GNAI1: variants seen among roughly 807,000 people sequenced by gnomAD.
GNAI1 encodes G protein subunit alpha i1.
In GNAI1, 11 loss-of-function variants were observed where a neutral mutation model predicts 38.9. That is an observed-to-expected ratio of 0.28 (90% CI 0.18 to 0.47). The LOEUF (loss-of-function observed/expected upper bound fraction) is 0.47. Ranked by LOEUF, GNAI1 falls within the 20% of genes least tolerant of loss-of-function variation. The pLI is 0.99. For missense variants in GNAI1, 317 were observed against 436.9 expected (o/e 0.73, Z 2.45); for synonymous variants, 166 against 145.1 (o/e 1.14, Z -1.04).
At chr7:80,175,832 A>G (rs925250139) in intron 1 of GNAI1, among the ~76,000 whole-genome samples, 1 of 151,776 alleles carries the variant, frequency 6.6e-6, no homozygotes, top group African/African-American at 2.4e-5. Context: ...TCATATCTCT[A>G]CCTCTCCTCA....
At position 80,177,314 on chromosome 7, in the gene GNAI1, G is replaced by A. The variant is rs1328088562; in HGVS notation, c.119-11637G>A. Reference sequence around the variant, plus strand: ...CAAAGTGCTGGGATTACAGGCATGAGCCACCGCGCCCGGCCAGCGTATCTT... The same window carrying A: ...CAAAGTGCTGGGATTACAGGCATGAACCACCGCGCCCGGCCAGCGTATCTT... On this transcript the variant is annotated intron_variant, in intron 1 of 7. Coordinates refer to ENST00000649796, the MANE Select transcript of GNAI1 (RefSeq NM_002069.6). 4.6e-5 allele frequency among the ~76,000 whole-genome samples: 7 copies of A among 152,212 alleles called. No individual in the cohort carries two copies. The East Asian group carries it at 1.4e-3, about 30-fold the overall frequency.
Position 80,163,651 on chromosome 7 carries a change from C to A in GNAI1, c.119-25300C>A, listed in dbSNP as rs893210404. ...GAGATATTTAGAGACAGTAGTTTTC[C>A]TTTTGTCTTTTTGCCTACCTCATAG... On this transcript the variant is annotated intron_variant, in intron 1 of 7. Transcript: ENST00000649796. 3.9e-5 allele frequency among the ~76,000 whole-genome samples: 6 copies of A among 152,088 alleles called. No homozygotes were observed. In the East Asian group the frequency reaches 1.2e-3, roughly 29 times the overall value.
intron 1 of GNAI1, among the ~76,000 whole-genome samples, chr7:80,160,088 A>G (rs946706768): frequency 4.6e-5 from 7 of 152,114 alleles, no homozygotes; most frequent in Admixed American, 2.6e-4. Flanking sequence ...TTGCGGATCA[A>G]TTTCCTTAAA....
At chr7:80,176,214 A>G (rs930849445) in intron 1 of GNAI1, among the ~76,000 whole-genome samples, 2 of 152,248 alleles carry the variant, frequency 1.3e-5, no homozygotes, top group East Asian at 3.8e-4. Context: ...CAAACTAGCC[A>G]CAACATTCCC....
chr7:80,140,303 A>G (rs1787504546), intron 1 of GNAI1, among the ~76,000 whole-genome samples: 1 of 152,206 alleles, frequency 6.6e-6, no homozygotes, highest in Non-Finnish European at 1.5e-5. Flanking sequence ...TCTAATGCAT[A>G]AAAAGTATGA....
At chr7:80,178,979 TC>T (rs1229757121) in intron 1 of GNAI1, among the ~76,000 whole-genome samples, 3 of 152,244 alleles carry the variant, frequency 2.0e-5, no homozygotes, top group Non-Finnish European at 4.4e-5. Context: ...AAATGGATTT[TC>T]TTCTTATATT....
At chr7:80,215,906 G>A (rs954070661) in intron 7 of GNAI1, among the ~76,000 whole-genome samples, 3 of 152,080 alleles carry the variant, frequency 2.0e-5, no homozygotes, top group Non-Finnish European at 4.4e-5. Context: ...TACCACAGGT[G>A]GCAGTTTGCA....
intron 7 of GNAI1, 90 bp from the exon 8 acceptor site, chr7:80,217,213 T>TTCAGTTTCATATGTATGAAACTGACA: frequency 2.5e-6 from 2 of 816,252 alleles, no homozygotes; most frequent in Non-Finnish European, 3.8e-6. Flanking sequence ...TGAAACTGAC[T>TTCAGTTTCATATGTATGAAACTGACA]TCAGTTTCAT....
intron 3 of GNAI1, among the ~76,000 whole-genome samples, chr7:80,192,905 G>C (rs1435436620): frequency 6.6e-6 from 1 of 152,024 alleles, no homozygotes; most frequent in Non-Finnish European, 1.5e-5. Context: ...CACCTTGTTG[G>C]CCAGGCTGGT....
intron 1 of GNAI1, among the ~76,000 whole-genome samples, chr7:80,152,247 T>C (rs956658121): frequency 1.3e-5 from 2 of 152,214 alleles, no homozygotes; most frequent in Non-Finnish European, 2.9e-5. Context: ...TGTTATTTCA[T>C]GTGTGCATTT....
chr7:80,171,116 T>C (rs908999085), intron 1 of GNAI1, among the ~76,000 whole-genome samples: 2 of 152,182 alleles, frequency 1.3e-5, no homozygotes, highest in Non-Finnish European at 2.9e-5. Context: ...AATAGTTCCT[T>C]CTCTTACAGC....
chr7:80,143,670 A>G (rs1308874995), intron 1 of GNAI1, among the ~76,000 whole-genome samples: 1 of 152,114 alleles, frequency 6.6e-6, no homozygotes. Flanking sequence ...TATAAGCTTC[A>G]GTTTTTTCTT....
At chr7:80,178,380 A>G (rs995311785) in intron 1 of GNAI1, among the ~76,000 whole-genome samples, 1 of 150,466 alleles carries the variant, frequency 6.6e-6, no homozygotes, top group Admixed American at 6.6e-5. Context: ...TGCTGCGGGT[A>G]AAGTGTTACT....
At chr7:80,137,094 T>A (rs1787428444) in intron 1 of GNAI1, among the ~76,000 whole-genome samples, 1 of 152,046 alleles carries the variant, frequency 6.6e-6, no homozygotes, top group Non-Finnish European at 1.5e-5. Context: ...TTTCCACATA[T>A]TGCTAGAAGT....
chr7:80,163,507 T>C (rs1387855393), intron 1 of GNAI1, among the ~76,000 whole-genome samples: 2 of 152,228 alleles, frequency 1.3e-5, no homozygotes, highest in Non-Finnish European at 2.9e-5. Context: ...CTTACATAAC[T>C]ACTTAGCTCA....
At chr7:80,163,979 T>C (rs1004326906) in intron 1 of GNAI1, among the ~76,000 whole-genome samples, 2 of 151,468 alleles carry the variant, frequency 1.3e-5, no homozygotes, top group African/African-American at 4.8e-5. Context: ...TTTTTTTTTT[T>C]TTTGGTGGGG....
chr7:80,139,923 T>C (rs1787493961), intron 1 of GNAI1, among the ~76,000 whole-genome samples: 1 of 148,636 alleles, frequency 6.7e-6, no homozygotes, highest in Admixed American at 6.7e-5. Flanking sequence ...TTTTTTTTTT[T>C]TTTTTTTTGT....
At chr7:80,183,451 A>C (rs1262045185) in intron 1 of GNAI1, among the ~76,000 whole-genome samples, 2 of 152,208 alleles carry the variant, frequency 1.3e-5, no homozygotes, top group African/African-American at 4.8e-5. Flanking sequence ...TAAATTCAAC[A>C]TAAAAATTAA....
At chr7:80,176,103 TGAAG>T (rs1788177911) in intron 1 of GNAI1, among the ~76,000 whole-genome samples, 1 of 152,210 alleles carries the variant, frequency 6.6e-6, no homozygotes, top group South Asian at 2.1e-4. Context: ...GAAAAGTTCT[TGAAG>T]GAAATTAAAA....
Sources: gnomAD v4.1 joint callset for allele counts (sites outside exome capture counted in the v4.1 genomes callset) on GRCh38, gnomAD v4.1.1 for gene constraint, MANE v1.5 for transcripts, NCBI Gene and HGNC (gene_info 2026-07-23, HGNC 2026-07-21) for gene names.